Variants in TG observed in about 807,000 individuals in gnomAD.
The protein encoded by TG is thyroid hormones.
A neutral mutation model predicts 324.7 loss-of-function variants in TG; 270 were observed. The ratio of observed to expected loss-of-function variants is 0.83; its 90% CI spans 0.75 to 0.92. The LOEUF (loss-of-function observed/expected upper bound fraction) is 0.92. Ranked by LOEUF, TG falls within the 40% of genes least tolerant of loss-of-function variation. The probability of loss-of-function intolerance (pLI) is 0.00; values close to 1 mark genes in which losing one functional copy is unlikely to be tolerated. For synonymous variants in TG, 1,401 were observed against 1,327.0 expected (o/e 1.06, Z -1.21); for missense variants, 3,591 against 3,456.4 (o/e 1.04, Z -0.98).
intron 26 of TG, among the ~76,000 whole-genome samples, 155 bp downstream of exon 26, chr8:132,941,697 A>T (rs923110097): frequency 3.3e-5 from 5 of 152,182 alleles, no homozygotes; most frequent in African/African-American, 7.2e-5. Context: ...TACACACATG[A>T]TACTCACATT....
chr8:132,977,634 G>T (rs762828351), intron 34 of TG, among the ~76,000 whole-genome samples: 1 of 152,160 alleles, frequency 6.6e-6, no homozygotes, highest in Non-Finnish European at 1.5e-5. Flanking sequence ...GGCGAAGAGA[G>T]AAATTGTGCA....
intron 41 of TG, among the ~76,000 whole-genome samples, chr8:133,071,527 G>A (rs951213298): frequency 1.3e-5 from 2 of 152,190 alleles, no homozygotes; most frequent in African/African-American, 4.8e-5. Context: ...TAGGTTTGTG[G>A]ATAGAGCGGT....
chr8:133,077,749 G>A lies in TG; in HGVS notation c.7240-17295G>A, dbSNP rs886479821. Among the ~76,000 whole-genome samples, 48 of 151,602 alleles carry A rather than the reference G, an allele frequency of 3.2e-4. 1 individual carries two copies. In the East Asian group the frequency reaches 9.1e-3, roughly 29 times the overall value. On this transcript the variant is annotated intron_variant, in intron 41 of 47. Transcript: ENST00000220616. ...CTCTGGTGTGTATGTGTGTGTGTGT[G>A]TGTGTGTGTGTGTGTGTTTGTATGT...
At chr8:132,911,580 T>A (rs1217730334) in intron 19 of TG, 47 bp downstream of exon 19, 2 of 1,530,858 alleles carry the variant, frequency 1.3e-6, no homozygotes, top group Non-Finnish European at 1.8e-6. Context: ...GCAGCCTCTC[T>A]GAGTCTCAGT....
At position 132,888,494 on chromosome 8, in the gene TG, G is replaced by A. The variant is rs374707675; in HGVS notation, c.2687G>A (p.Arg896Gln). The change falls in exon 10 of 48, where the codon CGG becomes CAG. Residue 896 changes from arginine to glutamine, a missense_variant. By Grantham distance (43) the Arg-to-Gln change is conservative. Coordinates refer to ENST00000220616, the MANE Select transcript of TG (RefSeq NM_003235.5). ...ACTCCTTTGGCACATTTTGATCTTC[G>A]GAACTGCTGGTGTGTGGATGAGGCT... ...FSTPLAHFDL[R>Q]NCWCVDEAGQ... 3.0e-5 allele frequency: 48 copies of A among 1,609,966 alleles called. No individual in the cohort carries two copies. The East Asian group carries it at 6.7e-4, about 22-fold the overall frequency.
Position 132,896,885 on chromosome 8 carries a change from G to C in TG, c.3002-764G>C, listed in dbSNP as rs778388817. 2.6e-5 allele frequency among the ~76,000 whole-genome samples: 4 copies of C among 152,214 alleles called. No individual in the cohort carries two copies. In the South Asian group the frequency reaches 8.3e-4, roughly 31 times the overall value. On this transcript the variant is annotated intron_variant, in intron 11 of 47. Coordinates refer to ENST00000220616, the MANE Select transcript of TG (RefSeq NM_003235.5). ...CTATGTTGGTGGTGGGGAAAGCCAT[G>C]TGCAAAGCCCAGTGGGTCGGGGACT...
intron 5 of TG, among the ~76,000 whole-genome samples, chr8:132,878,099 C>G (rs1455617949): frequency 6.6e-6 from 1 of 152,078 alleles, no homozygotes; most frequent in African/African-American, 2.4e-5. Flanking sequence ...TCTGGGATCC[C>G]TGTAACCAAA....
intron 38 of TG, among the ~76,000 whole-genome samples, chr8:133,019,019 CAG>C (rs1835315809): frequency 6.6e-6 from 1 of 152,246 alleles, no homozygotes; most frequent in Admixed American, 6.5e-5. Context: ...ACCCATTTGA[CAG>C]ATGAAATGAC....
At chr8:132,989,109 G>A (rs1020265681) in intron 35 of TG, among the ~76,000 whole-genome samples, 1 of 152,138 alleles carries the variant, frequency 6.6e-6, no homozygotes, top group South Asian at 2.1e-4. Context: ...TTTAAAAGCC[G>A]TCAGATGTCC....
Position 133,043,993 on chromosome 8 carries a change from C to A in TG, c.7239+13970C>A, listed in dbSNP as rs748335067. ...GGAGCTCACGATTATGGGCCAGGCACCCTCCCCACTTTCCATGAACTAACT... is the reference window on the plus strand; with the variant it reads ...GGAGCTCACGATTATGGGCCAGGCAACCTCCCCACTTTCCATGAACTAACT... On this transcript the variant is annotated intron_variant, in intron 41 of 47. Coordinates refer to ENST00000220616, the MANE Select transcript of TG (RefSeq NM_003235.5). Among the ~76,000 whole-genome samples, 5 of 152,278 alleles carry A rather than the reference C, an allele frequency of 3.3e-5. No homozygotes were observed. In the South Asian group the frequency reaches 8.3e-4, roughly 25 times the overall value.
intron 40 of TG, among the ~76,000 whole-genome samples, chr8:133,022,381 T>C (rs550085112): frequency 1.3e-5 from 2 of 152,308 alleles, no homozygotes; most frequent in African/African-American, 4.8e-5. Flanking sequence ...CTGCTCCAAG[T>C]CCATTACAGG....
chr8:133,020,180 C>T lies in TG; in HGVS notation c.6876+485C>T, dbSNP rs182149839. The stretch of plus-strand genomic sequence containing the variant: ...GGGCAGAGTGGAGGCTCATCCCTGT[C>T]GCCGTGTTCCAAAGCCAGTGCTCTT... On this transcript the variant is annotated intron_variant, in intron 39 of 47. Coordinates refer to ENST00000220616, the MANE Select transcript of TG (RefSeq NM_003235.5). 1.4e-4 allele frequency among the ~76,000 whole-genome samples: 22 copies of T among 152,296 alleles called. 1 individual carries two copies. The South Asian group carries it at 3.3e-3, about 23-fold the overall frequency.
Position 132,923,416 on chromosome 8 carries a change from G to A in TG, c.4607G>A (p.Arg1536Lys), listed in dbSNP as rs765995450. ...NGQYRASQKD[R>K]GSGKAFCVDG... Reference sequence around the variant, plus strand: ...CAGTATCGAGCCAGCCAGAAGGACAGGGGCAGTGGGAAGGCCTTCTGTGTG... The same window carrying A: ...CAGTATCGAGCCAGCCAGAAGGACAAGGGCAGTGGGAAGGCCTTCTGTGTG... The change falls in exon 22 of 48, where the codon AGG becomes AAG. Residue 1536 changes from arginine to lysine, a missense_variant. By Grantham distance (26) the Arg-to-Lys change is conservative. Transcript: ENST00000220616. 4 of 1,614,158 alleles carry A rather than the reference G, an allele frequency of 2.5e-6. No homozygotes were observed. In the South Asian group the frequency reaches 4.4e-5, roughly 18 times the overall value.
At chr8:133,087,669 A>C (rs941854678) in intron 41 of TG, 1 of 152,242 alleles carries the variant, frequency 6.6e-6, no homozygotes, top group African/African-American at 2.4e-5. Context: ...AAGTTAGAAT[A>C]GTCTAAAAAG....
intron 20 of TG, among the ~76,000 whole-genome samples, chr8:132,914,026 C>G (rs996738398): frequency 2.0e-5 from 3 of 152,196 alleles, no homozygotes; most frequent in African/African-American, 4.8e-5. Flanking sequence ...CATTTCAGCT[C>G]TCTGACCCCT....
intron 41 of TG, among the ~76,000 whole-genome samples, chr8:133,066,776 G>A (rs1843095351): frequency 6.6e-6 from 1 of 152,168 alleles, no homozygotes; most frequent in Non-Finnish European, 1.5e-5. Flanking sequence ...TGCCCTATGG[G>A]GTTGTTTTGA....
At chr8:132,967,695 A>T in intron 30 of TG, 99 bp from the exon 31 acceptor site, 1 of 1,354,004 alleles carries the variant, frequency 7.4e-7, no homozygotes, top group Non-Finnish European at 1.0e-6. Flanking sequence ...ACTAGGAGGG[A>T]TCTCTACCAG....
chr8:133,096,934 C>G (rs1411491573), intron 43 of TG, among the ~76,000 whole-genome samples: 1 of 152,194 alleles, frequency 6.6e-6, no homozygotes, highest in Non-Finnish European at 1.5e-5. Context: ...ATGCACAGTT[C>G]CTGCTCTCGC....
chr8:132,947,034 T>C (rs1825416509), intron 26 of TG, among the ~76,000 whole-genome samples: 1 of 152,242 alleles, frequency 6.6e-6, no homozygotes, highest in Non-Finnish European at 1.5e-5. Context: ...TCCTGGGCTC[T>C]GAGTGTGCCC....
Sources: allele counts gnomAD v4.1 joint callset (sites outside exome capture counted in the v4.1 genomes callset), GRCh38; gene constraint gnomAD v4.1.1; transcripts MANE v1.5; gene names NCBI Gene and HGNC (gene_info 2026-07-23, HGNC 2026-07-21).